FBXO4: variants seen among roughly 807,000 people sequenced by gnomAD.
FBXO4 encodes F-box only protein 4.
A neutral mutation model predicts 43.7 loss-of-function variants in FBXO4; 36 were observed. The observed-to-expected ratio is 0.82, with a 90% CI of 0.63 to 1.09. The LOEUF is 1.09. FBXO4 is among the 50% of genes least tolerant of loss of function. The pLI is 0.00. For missense variants in FBXO4, 435 were observed against 474.1 expected, an observed-to-expected ratio of 0.92 and a Z score of 0.77; for synonymous variants, 180 against 165.6, an observed-to-expected ratio of 1.09 and a Z score of -0.67.
At chr5:42,026,837 G>A in the FBXO4 span, among the ~76,000 whole-genome samples, 1 of 151,862 alleles carries the variant, frequency 6.6e-6, no homozygotes, top group Non-Finnish European at 1.5e-5. Flanking sequence ...CCGTTGATAT[G>A]ATATATTACA....
downstream of FBXO4, among the ~76,000 whole-genome samples, chr5:41,944,156 G>A (rs948213819): frequency 1.8e-4 from 28 of 152,158 alleles, no homozygotes; most frequent in African/African-American, 6.0e-4. Flanking sequence ...AATGGTAACC[G>A]AATGCTATTT....
At chr5:41,980,277 A>G in the FBXO4 span, among the ~76,000 whole-genome samples, 1 of 152,218 alleles carries the variant, frequency 6.6e-6, no homozygotes, top group Non-Finnish European at 1.5e-5. Context: ...AGTCTCCAGT[A>G]TATATTCAGG....
At chr5:42,035,075 TG>T in the FBXO4 span, among the ~76,000 whole-genome samples, 22 of 152,182 alleles carry the variant, frequency 1.4e-4, no homozygotes, top group African/African-American at 4.8e-4. Context: ...TTATTCTCTT[TG>T]TAACAATTGT....
At chr5:42,026,187 A>AT in the FBXO4 span, among the ~76,000 whole-genome samples, 6 of 151,756 alleles carry the variant, frequency 4.0e-5, no homozygotes, top group African/African-American at 1.4e-4. Context: ...ATATTTTTCC[A>AT]TTTTTTGGTG....
At chr5:41,967,620 T>C in the FBXO4 span, 1 of 1,063,516 alleles carries the variant, frequency 9.4e-7, no homozygotes, top group Admixed American at 1.8e-5. Flanking sequence ...TTCCCTAGGG[T>C]TGGAATGCCA....
chr5:41,941,204 G>A lies in FBXO4; in HGVS notation c.1087G>A (p.Glu363Lys), dbSNP rs1751996682. The change falls in exon 7 of 7, where the codon GAG (glutamate) becomes AAG (lysine). Residue 363 changes from glutamate to lysine, a missense_variant. Coordinates refer to ENST00000281623, the MANE Select transcript of FBXO4 (RefSeq NM_012176.3). ...LNHPWLVQDTEAETLTGFLNG... is the reference protein window; with the variant it reads ...LNHPWLVQDTKAETLTGFLNG... ...TATGTATTCCGAGGTCCAGGATACA[G>A]AGGCTGAAACTCTGACTGGTTTTTT... is the stretch of plus-strand genomic sequence containing the variant. The A allele has an allele frequency of 6.2e-7, 1 of 1,613,558 alleles. No homozygotes were observed. The highest frequency in any genetic ancestry group is 1.1e-5 in the South Asian group (1 of 91,068).
the FBXO4 span, among the ~76,000 whole-genome samples, chr5:41,981,629 G>A: frequency 6.6e-6 from 1 of 151,688 alleles, no homozygotes; most frequent in Non-Finnish European, 1.5e-5. Context: ...TCTACCAGCA[G>A]TGTATGAAAC....
chr5:42,030,922 C>T, the FBXO4 span, among the ~76,000 whole-genome samples: 1 of 152,156 alleles, frequency 6.6e-6, no homozygotes, highest in Non-Finnish European at 1.5e-5. Context: ...CATCTCACAC[C>T]AGTTAGAATG....
chr5:41,960,066 A>T, the FBXO4 span, among the ~76,000 whole-genome samples: 1 of 152,012 alleles, frequency 6.6e-6, no homozygotes, highest in Non-Finnish European at 1.5e-5. Flanking sequence ...CTGTGTACAG[A>T]TCTTTCACCT....
intron 3 of FBXO4, among the ~76,000 whole-genome samples, chr5:41,932,839 G>T (rs1028793911): frequency 2.0e-5 from 3 of 152,188 alleles, no homozygotes; most frequent in African/African-American, 7.2e-5. Context: ...AGCCATGGAA[G>T]CCCAGAAGGG....
chr5:42,031,049 G>A, the FBXO4 span, among the ~76,000 whole-genome samples: 1 of 152,166 alleles, frequency 6.6e-6, no homozygotes, highest in Non-Finnish European at 1.5e-5. Context: ...AGTCAGTGTG[G>A]CAATTCCTCA....
At chr5:42,030,444 A>T in the FBXO4 span, among the ~76,000 whole-genome samples, 1 of 152,012 alleles carries the variant, frequency 6.6e-6, no homozygotes, top group Non-Finnish European at 1.5e-5. Context: ...TACACCTTAC[A>T]CAAAAATTAA....
chr5:42,038,977 A>G, the FBXO4 span, among the ~76,000 whole-genome samples: 5 of 152,084 alleles, frequency 3.3e-5, no homozygotes, highest in African/African-American at 1.2e-4. Flanking sequence ...CATTTTCTAT[A>G]AGATGTAGAA....
At chr5:41,962,238 C>T in the FBXO4 span, among the ~76,000 whole-genome samples, 2 of 152,164 alleles carry the variant, frequency 1.3e-5, no homozygotes, top group Admixed American at 6.5e-5. Context: ...TCTGTGCCTT[C>T]GTTTTAGCTA....
chr5:41,983,939 T>C, the FBXO4 span, among the ~76,000 whole-genome samples: 3 of 152,096 alleles, frequency 2.0e-5, no homozygotes, highest in African/African-American at 4.8e-5. Flanking sequence ...ATCTCATTAT[T>C]TGGCCACACT....
the FBXO4 span, among the ~76,000 whole-genome samples, chr5:41,990,671 A>AT: frequency 1.3e-5 from 2 of 152,122 alleles, no homozygotes; most frequent in Non-Finnish European, 2.9e-5. Flanking sequence ...ATAGTTTTCT[A>AT]TTTTTTATCT....
the FBXO4 span, among the ~76,000 whole-genome samples, chr5:42,005,455 G>T: frequency 6.6e-6 from 1 of 152,118 alleles, no homozygotes; most frequent in Non-Finnish European, 1.5e-5. Flanking sequence ...ATTTCTGAAG[G>T]TGTTTAAAAT....
chr5:41,965,543 A>G, the FBXO4 span, among the ~76,000 whole-genome samples: 2 of 152,180 alleles, frequency 1.3e-5, no homozygotes, highest in East Asian at 3.9e-4. Flanking sequence ...ATTTGTTTGT[A>G]TCCTCTTTTA....
the FBXO4 span, among the ~76,000 whole-genome samples, chr5:41,998,500 G>A: frequency 5.3e-5 from 8 of 152,072 alleles, no homozygotes; most frequent in South Asian, 1.7e-3. Context: ...AGCTCACAGT[G>A]GGCCATATTT....
Sources: allele counts gnomAD v4.1 joint callset (sites outside exome capture counted in the v4.1 genomes callset), GRCh38; gene constraint gnomAD v4.1.1; transcripts MANE v1.5; gene names NCBI Gene and HGNC (gene_info 2026-07-23, HGNC 2026-07-21).